The following KCNMB3 variants were observed in gnomAD, a reference collection of about 807,000 sequenced individuals.
KCNMB3 encodes the protein potassium calcium-activated channel subfamily M regulatory beta subunit 3, also known as calcium-activated potassium channel subunit beta-3.
In KCNMB3, 18 loss-of-function variants were observed where a neutral mutation model predicts 11.9. The observed-to-expected ratio is 1.51, with a 90% CI of 1.04 to 2.23. KCNMB3 has a LOEUF of 2.23. KCNMB3 is among the 30% of genes most tolerant of loss of function. The probability of loss-of-function intolerance (pLI) is 0.00; values close to 1 mark genes in which losing one functional copy is unlikely to be tolerated. For synonymous variants in KCNMB3, 78 were observed against 119.2 expected, an observed-to-expected ratio of 0.65 and a Z score of 2.25; for missense variants, 247 against 329.4, an observed-to-expected ratio of 0.75 and a Z score of 1.94.
At chr3:179,258,890 A>G in intron 1 of KCNMB3, 1 of 1,596,652 alleles carries the variant, frequency 6.3e-7, no homozygotes. Flanking sequence ...TTAAAGCAGT[A>G]GATCACCTGG....
At chr3:179,243,430 G>A (rs11924325) in intron 2 of KCNMB3, 146 bp from the exon 3 acceptor site, 45,897 of 608,664 alleles carry the variant, frequency 0.075, 1,885 homozygotes, top group African/African-American at 0.13. Flanking sequence ...CATAGCTCAT[G>A]GGAAAGGGTT....
upstream of KCNMB3, chr3:179,251,316 A>C: frequency 6.9e-7 from 1 of 1,443,166 alleles, no homozygotes; most frequent in Non-Finnish European, 9.0e-7. Flanking sequence ...TGAATTCCAC[A>C]TGGAAAGAAT....
At chr3:179,254,656 C>CA (rs1437971125), upstream of KCNMB3, among the ~76,000 whole-genome samples, 4 of 152,114 alleles carry the variant, frequency 2.6e-5, no homozygotes, top group Admixed American at 6.6e-5. Flanking sequence ...ACTAAAAACA[C>CA]AAAAAATTAG....
At chr3:179,254,729 G>A (rs1269898170), upstream of KCNMB3, among the ~76,000 whole-genome samples, 3 of 152,128 alleles carry the variant, frequency 2.0e-5, no homozygotes, top group Non-Finnish European at 2.9e-5. Flanking sequence ...TTTGAACAAG[G>A]AGTCGGAGGT....
chr3:179,261,134 C>A, intron 1 of KCNMB3: 1 of 1,324,816 alleles, frequency 7.5e-7, no homozygotes, highest in Non-Finnish European at 1.1e-6. Flanking sequence ...CTTCTGCTGC[C>A]GCTCCAGCTC....
intron 1 of KCNMB3, chr3:179,261,182 C>A: frequency 7.5e-7 from 1 of 1,340,034 alleles, no homozygotes; most frequent in Admixed American, 2.6e-5. Context: ...GCGGGCCTCC[C>A]GTTTTGCGGC....
chr3:179,246,908 A>T (rs1725661529), intron 1 of KCNMB3, among the ~76,000 whole-genome samples: 1 of 152,212 alleles, frequency 6.6e-6, no homozygotes, highest in Non-Finnish European at 1.5e-5. Flanking sequence ...AGGGCTAAAA[A>T]ATAAGCATGT....
upstream of KCNMB3, chr3:179,251,340 C>G: frequency 1.4e-6 from 2 of 1,439,076 alleles, no homozygotes; most frequent in Non-Finnish European, 1.8e-6. Context: ...TCAAAAAGTT[C>G]ACATTTGGAA....
chr3:179,248,744 A>C lies in KCNMB3; in HGVS notation c.248+1999T>G, dbSNP rs552484856. ...CCCTGCTTCAAAAAAAAAAAAAAAA[A>C]ACTTAACTACTAATAGCCTACTGTT... On this transcript the variant is annotated intron_variant, in intron 1 of 2. Transcript: ENST00000392685. Among the ~76,000 whole-genome samples the C allele has an allele frequency of 8.5e-4, 129 of 151,886 alleles. 1 individual carries two copies. The highest frequency in any genetic ancestry group is 2.6e-3 in the African/African-American group (107 of 41,440).
chr3:179,252,707 A>C (rs1018563813), upstream of KCNMB3, among the ~76,000 whole-genome samples: 1 of 151,650 alleles, frequency 6.6e-6, no homozygotes, highest in Non-Finnish European at 1.5e-5. Flanking sequence ...ATGGAAAAAA[A>C]ATTTAATGAA....
upstream of KCNMB3, among the ~76,000 whole-genome samples, chr3:179,252,053 T>C (rs1012647117): frequency 2.0e-5 from 3 of 152,132 alleles, no homozygotes; most frequent in African/African-American, 7.2e-5. Context: ...GTGGGATAAC[T>C]TGTTAAGACC....
upstream of KCNMB3, among the ~76,000 whole-genome samples, chr3:179,252,216 T>G (rs1725870882): frequency 6.6e-6 from 1 of 152,138 alleles, no homozygotes; most frequent in Admixed American, 6.5e-5. Flanking sequence ...TCCCTCCACT[T>G]CCTACAGTGT....
chr3:179,249,936 A>C (rs1173716301), intron 1 of KCNMB3, among the ~76,000 whole-genome samples: 3 of 152,190 alleles, frequency 2.0e-5, no homozygotes, highest in Non-Finnish European at 4.4e-5. Context: ...TGCTGGGCTT[A>C]ATACCCAGGT....
intron 1 of KCNMB3, among the ~76,000 whole-genome samples, chr3:179,256,873 A>G (rs182141140): frequency 6.6e-6 from 1 of 152,338 alleles, no homozygotes; most frequent in African/African-American, 2.4e-5. Context: ...TAAAAGATAG[A>G]GAGTAGGGCA....
chr3:179,260,672 G>C, intron 1 of KCNMB3: 1 of 1,357,902 alleles, frequency 7.4e-7, no homozygotes, highest in South Asian at 1.2e-5. Flanking sequence ...AACTATTTCT[G>C]AATTTAGGAT....
intron 1 of KCNMB3, among the ~76,000 whole-genome samples, chr3:179,245,538 CTT>C (rs1725611290): frequency 6.6e-6 from 1 of 151,410 alleles, no homozygotes; most frequent in African/African-American, 2.4e-5. Context: ...GAGTTTCGCT[CTT>C]GTTGCCCAGG....
chr3:179,240,278 C>G (rs2108435052), downstream of KCNMB3: 1 of 479,804 alleles, frequency 2.1e-6, no homozygotes, highest in Non-Finnish European at 3.7e-6. Flanking sequence ...ACCTTAAAAG[C>G]CAATTTTTCT....
intron 1 of KCNMB3, among the ~76,000 whole-genome samples, chr3:179,248,927 G>A (rs147393402): frequency 1.0e-3 from 159 of 151,684 alleles, no homozygotes; most frequent in Non-Finnish European, 1.9e-3. Flanking sequence ...TGGGAGGACT[G>A]CTTGAGCCCA....
intron 1 of KCNMB3, chr3:179,259,375 C>A (rs975769349): frequency 1.0e-5 from 16 of 1,573,398 alleles, no homozygotes; most frequent in Admixed American, 3.7e-5. Flanking sequence ...TCACCACCAG[C>A]CCTCGGGCCT....
Sources: gnomAD v4.1 joint callset for allele counts (sites outside exome capture counted in the v4.1 genomes callset) on GRCh38, gnomAD v4.1.1 for gene constraint, MANE v1.5 for transcripts, NCBI Gene and HGNC (gene_info 2026-07-23, HGNC 2026-07-21) for gene names.